Variants in CACNA1B observed in about 807,000 individuals in gnomAD.
CACNA1B encodes the protein calcium voltage-gated channel subunit alpha1 B, also known as voltage-dependent N-type calcium channel subunit alpha-1B.
CACNA1B carries 70 observed loss-of-function variants against 247.2 expected under a neutral mutation model. The observed-to-expected ratio is 0.28, with a 90% confidence interval of 0.23 to 0.35. The LOEUF is 0.35. Among genes scored for constraint, CACNA1B ranks in the 10% least tolerant of loss-of-function variants. CACNA1B has a pLI of 1.00. For synonymous variants in CACNA1B, 1,231 were observed against 1,294.4 expected (o/e 0.95, Z 1.05); for missense variants, 2,367 against 3,197.4 (o/e 0.74, Z 6.26).
rs1959664568 is a variant in CACNA1B, at chr9:138,059,946, C to G, written c.4668+209C>G. ...CTTTCTTGAATAAGAAAGTGGTTCTCAAAGATCTTTTGGGCTGCTGGCCTG... is the reference window on the plus strand; with the variant it reads ...CTTTCTTGAATAAGAAAGTGGTTCTGAAAGATCTTTTGGGCTGCTGGCCTG... On this transcript the variant is annotated intron_variant, in intron 31 of 46. Transcript: ENST00000371372. The surrounding 1 kb of genome is among the most constrained non-coding windows in gnomAD (Gnocchi z 4.2). 1.3e-5 allele frequency among the ~76,000 whole-genome samples: 2 copies of G among 152,144 alleles called. No homozygotes were observed. Among genetic ancestry groups the G allele is most frequent in the South Asian group, 2.1e-4 (1 of 4,826 alleles).
chr9:138,098,172 C>T (rs907433972), intron 37 of CACNA1B, among the ~76,000 whole-genome samples: 1 of 152,204 alleles, frequency 6.6e-6, no homozygotes, highest in Non-Finnish European at 1.5e-5. Context: ...CCGTGGCTTG[C>T]GAGAACCCTG....
chr9:137,987,485 G>A (rs916391619), intron 15 of CACNA1B, among the ~76,000 whole-genome samples: 2 of 152,170 alleles, frequency 1.3e-5, no homozygotes, highest in African/African-American at 2.4e-5. Context: ...TTGCATTCCT[G>A]TCCCATGAAA....
At chr9:138,074,391 C>T (rs770933844) in intron 34 of CACNA1B, among the ~76,000 whole-genome samples, 1 of 152,140 alleles carries the variant, frequency 6.6e-6, no homozygotes, top group Admixed American at 6.5e-5. Context: ...TAGATGTGTG[C>T]CACCACGCCC....
intron 6 of CACNA1B, among the ~76,000 whole-genome samples, chr9:137,949,097 CATG>C (rs1384254174): frequency 0.013 from 23 of 1,718 alleles, no homozygotes; most frequent in East Asian, 0.032. Context: ...GTGGTGTGTG[CATG>C]TTTGTGGTGG....
chr9:137,987,690 C>T (rs998339501), intron 15 of CACNA1B, among the ~76,000 whole-genome samples: 3 of 152,148 alleles, frequency 2.0e-5, no homozygotes, highest in East Asian at 1.9e-4. Flanking sequence ...GGGGCCCTTT[C>T]GGTCCCACTC....
intron 10 of CACNA1B, among the ~76,000 whole-genome samples, chr9:137,969,631 G>A (rs998412655): frequency 1.1e-4 from 17 of 152,198 alleles, no homozygotes; most frequent in Non-Finnish European, 1.9e-4. Context: ...GGCCCTGTTT[G>A]TGTCCACAGG....
At chr9:137,978,912 C>T (rs1958260825) in intron 12 of CACNA1B, among the ~76,000 whole-genome samples, 1 of 152,176 alleles carries the variant, frequency 6.6e-6, no homozygotes, top group Non-Finnish European at 1.5e-5. Context: ...AGGGTGCTCT[C>T]TGAGACATGG....
chr9:137,928,327 ACTTTGTGATCTGCCTG>A (rs1014010316), intron 6 of CACNA1B, among the ~76,000 whole-genome samples: 4 of 152,042 alleles, frequency 2.6e-5, no homozygotes, highest in Non-Finnish European at 4.4e-5. Flanking sequence ...CGATCTCTTG[ACTTTGTGATCTGCCTG>A]CTTCAACCTC....
intron 37 of CACNA1B, chr9:138,101,065 C>T: frequency 2.0e-6 from 1 of 506,334 alleles, no homozygotes; most frequent in Non-Finnish European, 4.1e-6. Flanking sequence ...GGGCTCCATC[C>T]TGCCTTTGTT....
In CACNA1B at chr9:137,986,695, G is replaced by T; in HGVS notation, c.1902-87G>T. On this transcript the variant is annotated intron_variant, in intron 14 of 46. Coordinates refer to ENST00000371372, the MANE Select transcript of CACNA1B (RefSeq NM_000718.4). The surrounding 1 kb of genome is among the most constrained non-coding windows in gnomAD (Gnocchi z 6.0). ...TGTGCAGCCATCTGCAGCCTGAAGC[G>T]AGCAGGTTGAGGCCACGCTGGAGCC... The T allele has an allele frequency of 7.2e-7, 1 of 1,393,986 alleles. No individual in the cohort carries two copies. The allele number at this position is 1,393,986 out of a possible 1,614,324, so 86.4% of individuals were successfully genotyped here. A position where few individuals can be genotyped will look rare whatever the true frequency, so the allele number is the denominator to read the frequency against.
intron 6 of CACNA1B, among the ~76,000 whole-genome samples, chr9:137,951,039 T>C (rs1957872030): frequency 6.6e-6 from 1 of 152,206 alleles, no homozygotes; most frequent in Non-Finnish European, 1.5e-5. Flanking sequence ...GGGCTGAGGC[T>C]ACAGCAGCGA....
At chr9:138,107,912 G>A (rs1048779469) in intron 39 of CACNA1B, among the ~76,000 whole-genome samples, 2 of 151,710 alleles carry the variant, frequency 1.3e-5, no homozygotes, top group African/African-American at 4.8e-5. Context: ...GTGAACCCAG[G>A]AGGCAGAGCT....
chr9:137,949,291 T>A (rs1957848514), intron 6 of CACNA1B, among the ~76,000 whole-genome samples: 1 of 30,578 alleles, frequency 3.3e-5, no homozygotes. Flanking sequence ...TGTTTGCGTG[T>A]CCTTTGTGTC....
intron 34 of CACNA1B, 29 bp downstream of exon 34, chr9:138,074,095 G>A (rs1215750407): frequency 6.4e-7 from 1 of 1,564,258 alleles, no homozygotes; most frequent in East Asian, 2.2e-5. Context: ...GACAGAGCGT[G>A]GTTCCGGCCT....
At chr9:137,895,268 T>C (rs1459456161) in intron 3 of CACNA1B, among the ~76,000 whole-genome samples, 1 of 152,196 alleles carries the variant, frequency 6.6e-6, no homozygotes, top group Non-Finnish European at 1.5e-5. Flanking sequence ...TGAAACTGGG[T>C]AGTACTTACT....
intron 3 of CACNA1B, among the ~76,000 whole-genome samples, chr9:137,903,003 C>T (rs1000574191): frequency 1.2e-4 from 18 of 152,216 alleles, no homozygotes; most frequent in African/African-American, 3.4e-4. Flanking sequence ...TAAACCAAAA[C>T]GCATACCTAT....
Position 138,014,040 on chromosome 9 carries a change from AC to A in CACNA1B, c.2267+808del, listed in dbSNP as rs113846454. Among the ~76,000 whole-genome samples, 16 of 152,034 alleles carry A rather than the reference AC, an allele frequency of 1.1e-4. No individual in the cohort carries two copies. The highest frequency in any genetic ancestry group is 7.2e-4 in the Admixed American group (11 of 15,266). Reference sequence around the variant, plus strand: ...GCGGGCCCCAGCTCTTCAGCCGGCCACCCGCCCTGCCGTGAACACGGAACAC... The same window carrying A: ...GCGGGCCCCAGCTCTTCAGCCGGCCACCGCCCTGCCGTGAACACGGAACAC... On this transcript the variant is annotated intron_variant, in intron 18 of 46. Transcript: ENST00000371372. The surrounding 1 kb of genome is among the most constrained non-coding windows in gnomAD (Gnocchi z 6.2).
chr9:137,942,875 G>A (rs961960060), intron 6 of CACNA1B, among the ~76,000 whole-genome samples: 3 of 152,104 alleles, frequency 2.0e-5, no homozygotes, highest in African/African-American at 7.2e-5. Flanking sequence ...ACACTGCTTG[G>A]GTGATAGGTG....
chr9:138,010,710 C>CTGTGTGTCACCATG lies in CACNA1B; in HGVS notation c.2160+635_2160+648dup, dbSNP rs1958713385. On this transcript the variant is annotated intron_variant, in intron 17 of 46. Coordinates refer to ENST00000371372, the MANE Select transcript of CACNA1B (RefSeq NM_000718.4). This position sits in a 1 kb window ranked among gnomAD's most constrained non-coding sequence, Gnocchi z 5.3. ...GCATGCTCTGCACATCAGTGTGTAC[C>CTGTGTGTCACCATG]TGTGTGTCACCATGTATGTGTCACT... Among the ~76,000 whole-genome samples the CTGTGTGTCACCATG allele has an allele frequency of 1.3e-5, 2 of 152,158 alleles. No individual in the cohort carries two copies. The highest frequency in any genetic ancestry group is 4.1e-4 in the South Asian group (2 of 4,824).
Sources: allele counts gnomAD v4.1 joint callset (sites outside exome capture counted in the v4.1 genomes callset), GRCh38; gene constraint gnomAD v4.1.1; non-coding constraint Gnocchi (gnomAD v3.1); transcripts MANE v1.5; gene names NCBI Gene and HGNC (gene_info 2026-07-23, HGNC 2026-07-21).